The following PPAT variants were observed in gnomAD, a reference collection of about 807,000 sequenced individuals.
PPAT encodes phosphoribosyl pyrophosphate amidotransferase.
Under a neutral mutation model 60.2 loss-of-function variants are expected in PPAT, and 20 were observed. That is an observed-to-expected ratio of 0.33 (90% CI 0.23 to 0.48). The LOEUF (loss-of-function observed/expected upper bound fraction) is 0.48. Among genes scored for constraint, PPAT ranks in the 20% least tolerant of loss-of-function variants. The pLI is 0.99. For synonymous variants in PPAT, 194 were observed against 215.1 expected, an observed-to-expected ratio of 0.90 and a Z score of 0.86; for missense variants, 349 against 629.6, an observed-to-expected ratio of 0.55 and a Z score of 4.77.
chr4:56,428,696 G>C (rs1168323792), intron 1 of PPAT, among the ~76,000 whole-genome samples: 1 of 152,062 alleles, frequency 6.6e-6, no homozygotes, highest in Non-Finnish European at 1.5e-5. Context: ...CTTTAAAAAT[G>C]AAATCCTTAC....
In PPAT at chr4:56,406,711, T is replaced by C; in HGVS notation, c.196-10A>G. The C allele has an allele frequency of 6.3e-7, 1 of 1,590,824 alleles. No individual in the cohort carries two copies. The highest frequency in any genetic ancestry group is 1.3e-5 in the African/African-American group (1 of 74,258). On this transcript the variant is annotated splice_polypyrimidine_tract_variant and intron_variant, in intron 2 of 10. Transcript: ENST00000264220. Reference sequence around the variant, plus strand: ...TTACAAGACCCATTCCCTTGAGAAATCAAAAAGTGCAACTTAGAAAAAAAC... The same window carrying C: ...TTACAAGACCCATTCCCTTGAGAAACCAAAAAGTGCAACTTAGAAAAAAAC...
At chr4:56,410,550 AG>A (rs1716399647) in intron 1 of PPAT, 1 of 986,524 alleles carries the variant, frequency 1.0e-6, no homozygotes, top group South Asian at 4.7e-5. Flanking sequence ...TGGACTGAGG[AG>A]GAGGTTAAAG....
At chr4:56,408,963 C>A (rs13114481) in intron 1 of PPAT, among the ~76,000 whole-genome samples, 51,560 of 151,870 alleles carry the variant, frequency 0.34, 9,367 homozygotes, top group Non-Finnish European at 0.41. Flanking sequence ...CCTCTGTCTG[C>A]CTATAGAAAT....
chr4:56,399,933 G>GT (rs1468227195), intron 8 of PPAT: 5 of 152,298 alleles, frequency 3.3e-5, no homozygotes, highest in African/African-American at 1.2e-4. Flanking sequence ...AAAATAAAGC[G>GT]TAACACTGAC....
intron 1 of PPAT, among the ~76,000 whole-genome samples, chr4:56,433,252 G>C (rs1717698356): frequency 6.6e-6 from 1 of 151,592 alleles, no homozygotes; most frequent in Non-Finnish European, 1.5e-5. Flanking sequence ...ATGTTAAATT[G>C]TTTTTCAGTA....
intron 1 of PPAT, among the ~76,000 whole-genome samples, chr4:56,415,568 T>C (rs897120858): frequency 4.6e-5 from 7 of 152,258 alleles, no homozygotes; most frequent in Non-Finnish European, 8.8e-5. Context: ...CATTTAAACA[T>C]AATTTAACTT....
At chr4:56,432,433 C>A (rs1717635753) in intron 1 of PPAT, among the ~76,000 whole-genome samples, 1 of 147,786 alleles carries the variant, frequency 6.8e-6, no homozygotes, top group Non-Finnish European at 1.5e-5. Context: ...GAGACAGGTA[C>A]GAGAATCACT....
chr4:56,415,534 T>C (rs537671466), intron 1 of PPAT, among the ~76,000 whole-genome samples: 1 of 152,370 alleles, frequency 6.6e-6, no homozygotes, highest in African/African-American at 2.4e-5. Context: ...GGCATGTTTC[T>C]TTTAAATGAC....
intron 1 of PPAT, among the ~76,000 whole-genome samples, chr4:56,419,417 A>C (rs1716928042): frequency 6.6e-6 from 1 of 152,220 alleles, no homozygotes; most frequent in Admixed American, 6.5e-5. Context: ...ACTTTATTAA[A>C]GCCAGTAACC....
At chr4:56,435,259 G>A in intron 1 of PPAT, 91 bp downstream of exon 1, 1 of 1,568,680 alleles carries the variant, frequency 6.4e-7, no homozygotes, top group East Asian at 2.2e-5. Context: ...GGTCCTCCCG[G>A]GCCCTCGGGC....
In PPAT at chr4:56,395,562, G is replaced by GA. The variant is rs1298065702; in HGVS notation, c.1358-15dup. On this transcript the variant is annotated splice_polypyrimidine_tract_variant and intron_variant, in intron 10 of 10. Coordinates refer to ENST00000264220, the MANE Select transcript of PPAT (RefSeq NM_002703.5). ...CACTGTTTGCTCCTAAAGAAAGAGGGAAAAATAAAAATGTAATAAGAATTC... is the reference window on the plus strand; with the variant it reads ...CACTGTTTGCTCCTAAAGAAAGAGGGAAAAAATAAAAATGTAATAAGAATTC... The GA allele has an allele frequency of 6.7e-7, 1 of 1,493,508 alleles. No individual in the cohort carries two copies. Among genetic ancestry groups the GA allele is most frequent in the Non-Finnish European group, 8.9e-7 (1 of 1,126,656 alleles). The allele number at this position is 1,493,508 out of a possible 1,614,324, so 92.5% of individuals were successfully genotyped here.
intron 3 of PPAT, among the ~76,000 whole-genome samples, chr4:56,405,199 T>C (rs775249277): frequency 6.6e-6 from 1 of 152,208 alleles, no homozygotes; most frequent in Non-Finnish European, 1.5e-5. Context: ...ACCAAGAGTT[T>C]AAGTAAACAG....
chr4:56,415,160 A>G (rs1455609594), intron 1 of PPAT, among the ~76,000 whole-genome samples: 1 of 152,214 alleles, frequency 6.6e-6, no homozygotes, highest in Admixed American at 6.5e-5. Context: ...ATCACACCTA[A>G]AAGTTGATAT....
chr4:56,423,549 C>T (rs1373189881), intron 1 of PPAT: 3 of 151,990 alleles, frequency 2.0e-5, no homozygotes, highest in Non-Finnish European at 4.4e-5. Context: ...AAGTTAAGAG[C>T]TTTAGTATTC....
intron 8 of PPAT, chr4:56,399,978 A>G (rs900108498): frequency 6.6e-6 from 1 of 152,332 alleles, no homozygotes; most frequent in Non-Finnish European, 1.5e-5. Context: ...CAGCTTTATT[A>G]TTACCCATAC....
chr4:56,409,061 A>C (rs1390229420), intron 1 of PPAT, among the ~76,000 whole-genome samples: 1 of 152,222 alleles, frequency 6.6e-6, no homozygotes, highest in African/African-American at 2.4e-5. Context: ...TTGGTGCTTG[A>C]ATAAACTCTC....
At chr4:56,409,634 T>G (rs1248123848) in intron 1 of PPAT, among the ~76,000 whole-genome samples, 1 of 152,250 alleles carries the variant, frequency 6.6e-6, no homozygotes, top group Admixed American at 6.5e-5. Flanking sequence ...CATACCACTG[T>G]GCAGTATAAA....
chr4:56,409,951 C>G (rs1409089727), intron 1 of PPAT, among the ~76,000 whole-genome samples: 1 of 152,180 alleles, frequency 6.6e-6, no homozygotes, highest in Non-Finnish European at 1.5e-5. Flanking sequence ...TCACAGCTCA[C>G]AGCAGCCTCA....
chr4:56,419,469 C>T (rs2030363), intron 1 of PPAT: 59,802 of 161,784 alleles, frequency 0.37, 11,527 homozygotes, highest in Non-Finnish European at 0.44. Context: ...TTTTGTTTCC[C>T]CACTGTTTAA....
Sources: gnomAD v4.1 joint callset for allele counts (sites outside exome capture counted in the v4.1 genomes callset) on GRCh38, gnomAD v4.1.1 for gene constraint, MANE v1.5 for transcripts, NCBI Gene and HGNC (gene_info 2026-07-23, HGNC 2026-07-21) for gene names.